INTS4: variants seen among roughly 807,000 people sequenced by gnomAD.
INTS4 encodes the protein integrator complex subunit 4.
A neutral mutation model predicts 119.5 loss-of-function variants in INTS4; 70 were observed. That is an observed-to-expected ratio of 0.59 (90% CI 0.48 to 0.71). INTS4 has a LOEUF of 0.71. Ranked by LOEUF, INTS4 falls within the 30% of genes least tolerant of loss-of-function variation. The pLI is 0.00. For synonymous variants in INTS4, 316 were observed against 419.6 expected, an observed-to-expected ratio of 0.75 and a Z score of 3.02; for missense variants, 867 against 1,173.2, an observed-to-expected ratio of 0.74 and a Z score of 3.81.
At chr11:77,945,720 C>A (rs1954032766) in intron 8 of INTS4, among the ~76,000 whole-genome samples, 1 of 152,192 alleles carries the variant, frequency 6.6e-6, no homozygotes, top group Non-Finnish European at 1.5e-5. Context: ...AATCCTGCGG[C>A]AGCCCCACTC....
At chr11:77,983,969 T>C (rs1417042140) in intron 2 of INTS4, among the ~76,000 whole-genome samples, 1 of 152,070 alleles carries the variant, frequency 6.6e-6, no homozygotes, top group African/African-American at 2.4e-5. Flanking sequence ...AGCTAAAATG[T>C]GGAAGCAATG....
chr11:77,987,624 G>T, intron 2 of INTS4: 1 of 451,166 alleles, frequency 2.2e-6, no homozygotes, highest in Non-Finnish European at 4.5e-6. Context: ...CCAATCCTTT[G>T]GGAGGGCCAA....
intron 8 of INTS4, among the ~76,000 whole-genome samples, chr11:77,946,141 T>C (rs1954042398): frequency 6.6e-6 from 1 of 152,204 alleles, no homozygotes. Context: ...CTCAGTACCC[T>C]CATCTACAGC....
At chr11:77,919,313 C>T (rs2136474780) in intron 14 of INTS4, among the ~76,000 whole-genome samples, 1 of 150,372 alleles carries the variant, frequency 6.7e-6, no homozygotes, top group South Asian at 2.1e-4. Context: ...TTTTTTTAGA[C>T]AGAGTTTCAC....
At chr11:77,886,824 T>C (rs11606549) in intron 21 of INTS4, among the ~76,000 whole-genome samples, 30,849 of 152,008 alleles carry the variant, frequency 0.2, 3,198 homozygotes, top group Middle Eastern at 0.24. Flanking sequence ...ACATGGAAAC[T>C]GAACAACCTG....
rs1450244133 is a variant in INTS4 at position 77,991,295 on chromosome 11, T to G, written c.59A>C (p.Gln20Pro). Residue 20 changes from glutamine to proline, a missense_variant, in exon 2 of 23, where the codon CAG becomes CCG. Coordinates refer to ENST00000534064, the MANE Select transcript of INTS4 (RefSeq NM_033547.4). ...GAGTTTCTTAGTAGCAATTTCCTCCTGTGGCTGCAAGGGGTAGAGAAAATC... is the reference window on the plus strand; with the variant it reads ...GAGTTTCTTAGTAGCAATTTCCTCCGGTGGCTGCAAGGGGTAGAGAAAATC... ...YEEFTKVVQPQEEIATKKLRL... is the reference protein window; with the variant it reads ...YEEFTKVVQPPEEIATKKLRL... The G allele has an allele frequency of 6.2e-6, 10 of 1,612,648 alleles. No individual in the cohort carries two copies. In the East Asian group the frequency reaches 2.2e-4, roughly 36 times the overall value.
At chr11:77,905,931 T>C (rs1481808511) in intron 16 of INTS4, among the ~76,000 whole-genome samples, 1 of 152,220 alleles carries the variant, frequency 6.6e-6, no homozygotes, top group Admixed American at 6.5e-5. Context: ...CAAAAATGTA[T>C]GTTGTTATTG....
Position 77,878,878 on chromosome 11 carries a change from G to T in INTS4, c.*71C>A. ...CCTACACATCAATTCCAGGTGAAGT[G>T]CTTCAGGCTTGGCTCATTCTGACAC... On this transcript the variant is annotated 3_prime_UTR_variant, in exon 23 of 23. Coordinates refer to ENST00000534064, the MANE Select transcript of INTS4 (RefSeq NM_033547.4). 1 of 1,109,774 alleles carries T rather than the reference G, an allele frequency of 9.0e-7. No homozygotes were observed. 68.7% of individuals were successfully genotyped at this position (1,109,774 alleles called of 1,614,324 possible). A position where few individuals can be genotyped will look rare whatever the true frequency, so the allele number is the denominator to read the frequency against.
At chr11:77,939,858 A>AC (rs1381162823) in intron 9 of INTS4, among the ~76,000 whole-genome samples, 2 of 152,052 alleles carry the variant, frequency 1.3e-5, no homozygotes, top group Non-Finnish European at 2.9e-5. Flanking sequence ...CAAAAAAAAA[A>AC]AACAAAACAA....
intron 2 of INTS4, among the ~76,000 whole-genome samples, chr11:77,985,649 C>T (rs1243772398): frequency 6.6e-6 from 1 of 152,158 alleles, no homozygotes; most frequent in Non-Finnish European, 1.5e-5. Flanking sequence ...TCAGGGATTA[C>T]ATCATCTACA....
chr11:77,988,209 G>A (rs951419753), intron 2 of INTS4, among the ~76,000 whole-genome samples: 7 of 152,176 alleles, frequency 4.6e-5, no homozygotes, highest in Non-Finnish European at 1.0e-4. Flanking sequence ...CTGAATTTAC[G>A]GAGCTCAAAG....
chr11:77,901,418 T>C lies in INTS4; in HGVS notation c.2228+3A>G, dbSNP rs763070416. ...ACATATTTTGGCCAACCCCACATCT[T>C]ACCCTCGTGTAGTTCGTGCTGTTAC... On this transcript the variant is annotated splice_donor_region_variant and intron_variant, in intron 18 of 22. Coordinates refer to ENST00000534064, the MANE Select transcript of INTS4 (RefSeq NM_033547.4). The C allele has an allele frequency of 1.2e-6, 2 of 1,613,916 alleles. No individual in the cohort carries two copies. The highest frequency in any genetic ancestry group is 2.2e-5 in the South Asian group (2 of 91,058).
chr11:77,929,800 T>G (rs1381806289), intron 10 of INTS4, among the ~76,000 whole-genome samples: 1 of 152,146 alleles, frequency 6.6e-6, no homozygotes, highest in African/African-American at 2.4e-5. Context: ...GCCTGGTAAG[T>G]GGAGATAATA....
intron 9 of INTS4, among the ~76,000 whole-genome samples, chr11:77,940,161 G>T (rs1410693904): frequency 6.6e-6 from 1 of 152,164 alleles, no homozygotes; most frequent in Admixed American, 6.5e-5. Flanking sequence ...GGGCACAATG[G>T]CTCACATCTG....
intron 8 of INTS4, among the ~76,000 whole-genome samples, chr11:77,948,689 AG>A (rs1954111587): frequency 6.9e-6 from 1 of 144,926 alleles, no homozygotes; most frequent in Non-Finnish European, 1.5e-5. Context: ...AAGAAGAAGA[AG>A]AAGAAGGAAA....
At chr11:77,959,734 A>G (rs1425968842) in intron 6 of INTS4, among the ~76,000 whole-genome samples, 2 of 152,114 alleles carry the variant, frequency 1.3e-5, no homozygotes, top group African/African-American at 4.8e-5. Flanking sequence ...TCTTCTTCCC[A>G]TGAGAGATAA....
chr11:77,987,885 G>A (rs1338094802), intron 2 of INTS4, among the ~76,000 whole-genome samples: 1 of 152,116 alleles, frequency 6.6e-6, no homozygotes, highest in African/African-American at 2.4e-5. Context: ...GCCAGGCACA[G>A]TGGTTCATGC....
intron 8 of INTS4, among the ~76,000 whole-genome samples, chr11:77,946,825 G>C (rs1954059760): frequency 6.7e-6 from 1 of 149,918 alleles, no homozygotes; most frequent in Admixed American, 6.6e-5. Context: ...CTTACAAAAT[G>C]CCTGAAAAGG....
chr11:77,958,188 C>A (rs1159653911), intron 7 of INTS4, among the ~76,000 whole-genome samples: 1 of 150,604 alleles, frequency 6.6e-6, no homozygotes, highest in Non-Finnish European at 1.5e-5. Flanking sequence ...TTTTCCTATA[C>A]AAGGAAAAAT....
Sources: allele counts gnomAD v4.1 joint callset (sites outside exome capture counted in the v4.1 genomes callset), GRCh38; gene constraint gnomAD v4.1.1; transcripts MANE v1.5; gene names NCBI Gene and HGNC (gene_info 2026-07-23, HGNC 2026-07-21).